REV3L: variants seen among roughly 807,000 people sequenced by gnomAD.
REV3L encodes the protein DNA polymerase zeta catalytic subunit.
In REV3L, 69 loss-of-function variants were observed where a neutral mutation model predicts 299.4. The observed-to-expected ratio is 0.23, with a 90% CI of 0.19 to 0.28. The LOEUF (loss-of-function observed/expected upper bound fraction) is 0.28. Among genes scored for constraint, REV3L ranks in the 10% least tolerant of loss-of-function variants. The probability of loss-of-function intolerance (pLI) is 1.00; values close to 1 mark genes in which losing one functional copy is unlikely to be tolerated. For missense variants in REV3L, 3,128 were observed against 3,693.8 expected (o/e 0.85, Z 3.97); for synonymous variants, 1,238 against 1,271.4 (o/e 0.97, Z 0.56).
chr6:111,302,286 T>C (rs1041746078), intron 31 of REV3L, among the ~76,000 whole-genome samples: 2 of 152,234 alleles, frequency 1.3e-5, no homozygotes, highest in African/African-American at 4.8e-5. Flanking sequence ...TTCCCAAATA[T>C]AGAATTTCTG....
chr6:111,430,395 C>T, intron 1 of REV3L: 1 of 1,330,496 alleles, frequency 7.5e-7, no homozygotes, highest in East Asian at 2.3e-5. Context: ...CAATGACTAC[C>T]AGTCCATAGA....
At position 111,374,481 on chromosome 6, in the gene REV3L, A is replaced by C; in HGVS notation, c.3874T>G (p.Leu1292Val). ...LPTGINAQQK[L>V]SGCFSSFLES... is the part of the protein sequence containing the mutation. ...AAGAAAGAAGAAAAGCAGCCAGATAACTTCTGTTGTGCATTAATTCCAGTG... is the reference window on the plus strand; with the variant it reads ...AAGAAAGAAGAAAAGCAGCCAGATACCTTCTGTTGTGCATTAATTCCAGTG... The change falls in exon 13 of 32, where the codon TTA (leucine) becomes GTA (valine). Residue 1292 changes from leucine to valine, a missense_variant. Coordinates refer to ENST00000368802, the MANE Select transcript of REV3L (RefSeq NM_001372078.1). The C allele has an allele frequency of 3.1e-6, 5 of 1,614,038 alleles. No homozygotes were observed. The highest frequency in any genetic ancestry group is 4.2e-6 in the Non-Finnish European group (5 of 1,179,928).
intron 1 of REV3L, among the ~76,000 whole-genome samples, chr6:111,456,013 T>G (rs1183165081): frequency 6.6e-6 from 1 of 152,232 alleles, no homozygotes; most frequent in Non-Finnish European, 1.5e-5. Context: ...ATAGCTGATA[T>G]TCAGTAATGG....
chr6:111,322,580 G>A lies in REV3L; in HGVS notation c.8340C>T (p.Gly2780=), dbSNP rs1365033476. The A allele has an allele frequency of 1.3e-5, 21 of 1,613,000 alleles. No individual in the cohort carries two copies. Among genetic ancestry groups the A allele is most frequent in the Non-Finnish European group, 1.8e-5 (21 of 1,179,102 alleles). Residue 2780 remains glycine (G), a synonymous_variant, in exon 26 of 32, where the codon GGC becomes GGT. Transcript: ENST00000368802. ...TKKWGARVVY[G]DTDSMFVLLK... The stretch of plus-strand genomic sequence containing the variant: ...CAAAAACCCATTACCTGTCAGTATC[G>A]CCATATACAACCCTAGCCCCCCATT...
chr6:111,355,936 C>G (rs975223883), intron 18 of REV3L, among the ~76,000 whole-genome samples: 1 of 152,012 alleles, frequency 6.6e-6, no homozygotes, highest in Non-Finnish European at 1.5e-5. Context: ...TTTTTTCCTT[C>G]AGAGTCGTGG....
chr6:111,444,573 C>G (rs1388541311), intron 1 of REV3L, among the ~76,000 whole-genome samples: 1 of 152,040 alleles, frequency 6.6e-6, no homozygotes, highest in East Asian at 1.9e-4. Context: ...TATGATGGGG[C>G]CATTTCCACA....
intron 21 of REV3L, 134 bp from the exon 22 acceptor site, chr6:111,335,744 A>G: frequency 1.2e-6 from 1 of 801,852 alleles, no homozygotes; most frequent in Non-Finnish European, 1.8e-6. Context: ...ATGAGCCTTT[A>G]AGCAAAGTAT....
intron 1 of REV3L, among the ~76,000 whole-genome samples, chr6:111,473,367 C>T (rs1003834300): frequency 6.6e-6 from 1 of 151,584 alleles, no homozygotes; most frequent in Admixed American, 6.6e-5. Context: ...TCTTTAATTG[C>T]GTGAATTCTA....
At position 111,412,339 on chromosome 6, in the gene REV3L, G is replaced by A. The variant is rs147832962; in HGVS notation, c.330-785C>T. The A allele has an allele frequency of 1.9e-5, 16 of 839,846 alleles. No homozygotes were observed. The Admixed American group carries it at 7.5e-4, about 39-fold the overall frequency. 52.0% of individuals were successfully genotyped at this position (839,846 alleles called of 1,614,324 possible). The stretch of plus-strand genomic sequence containing the variant: ...GAAGCAAAAGGCTATATAACAGGAA[G>A]AGAAATCCTCGGTGCAAGATGAAAT... On this transcript the variant is annotated intron_variant, in intron 2 of 31. Transcript: ENST00000368802.
intron 21 of REV3L, among the ~76,000 whole-genome samples, chr6:111,339,503 T>TAA (rs1776265651): frequency 6.6e-6 from 1 of 152,122 alleles, no homozygotes; most frequent in South Asian, 2.1e-4. Flanking sequence ...GTGAAATGAA[T>TAA]GCTTATTCAT....
At chr6:111,419,281 A>C (rs966931576) in intron 1 of REV3L, among the ~76,000 whole-genome samples, 3 of 152,238 alleles carry the variant, frequency 2.0e-5, no homozygotes, top group African/African-American at 7.2e-5. Flanking sequence ...ATAGAATAAG[A>C]ATGATATAAG....
At position 111,351,718 on chromosome 6, in the gene REV3L, C is replaced by T. The variant is rs970904051; in HGVS notation, c.7258G>A (p.Ala2420Thr). 21 of 1,613,558 alleles carry T rather than the reference C, an allele frequency of 1.3e-5. No homozygotes were observed. The highest frequency in any genetic ancestry group is 8.3e-5 in the Admixed American group (5 of 59,984). The change falls in exon 19 of 32, where the codon GCT becomes ACT. Residue 2420 changes from alanine to threonine, a missense_variant. Physicochemically the swap from Ala to Thr is moderately conservative, Grantham distance 58. Around this residue, in one of 9 missense-constraint regions of REV3L, gnomAD observed 50 missense variants for 48.2 expected, o/e 1.04. Coordinates refer to ENST00000368802, the MANE Select transcript of REV3L (RefSeq NM_001372078.1). Reference protein sequence around the residue: ...SWGYLLQRAAALSIDLCRMIS... With the variant: ...SWGYLLQRAATLSIDLCRMIS... Reference sequence around the variant, plus strand: ...ATCCGACATAAGTCAATACTTAAAGCGGCAGCCCTTTGTAAGAGGTAACCC... The same window carrying T: ...ATCCGACATAAGTCAATACTTAAAGTGGCAGCCCTTTGTAAGAGGTAACCC...
Position 111,446,877 on chromosome 6 carries a change from A to T in REV3L, c.140-30405T>A, listed in dbSNP as rs571704896. The stretch of plus-strand genomic sequence containing the variant: ...TTAAAGAGATAGGCATATATTAAAA[A>T]TGAATAAATCTACTCTTTGTATAGT... On this transcript the variant is annotated intron_variant, in intron 1 of 31. Coordinates refer to ENST00000368802, the MANE Select transcript of REV3L (RefSeq NM_001372078.1). 1.6e-3 allele frequency among the ~76,000 whole-genome samples: 248 copies of T among 152,332 alleles called. 1 individual carries two copies. The highest frequency in any genetic ancestry group is 5.8e-3 in the African/African-American group (239 of 41,558).
chr6:111,409,260 CATTTT>C (rs1783982825), intron 3 of REV3L, among the ~76,000 whole-genome samples: 1 of 151,804 alleles, frequency 6.6e-6, no homozygotes, highest in South Asian at 2.1e-4. Context: ...ATGTTACTTT[CATTTT>C]GTCACATAAA....
chr6:111,446,369 T>C (rs920706418), intron 1 of REV3L, among the ~76,000 whole-genome samples: 1 of 152,158 alleles, frequency 6.6e-6, no homozygotes, highest in Non-Finnish European at 1.5e-5. Flanking sequence ...ATTAGGAACA[T>C]CCCAACAAAC....
Position 111,374,867 on chromosome 6 carries a change from C to A in REV3L, c.3488G>T (p.Arg1163Leu). The A allele has an allele frequency of 1.2e-6, 2 of 1,613,754 alleles. No homozygotes were observed. The highest frequency in any genetic ancestry group is 1.7e-6 in the Non-Finnish European group (2 of 1,179,870). ...TCTTGCGCGACTAGTTTTTCCTATA[C>A]GAGAATTAACAGTCTTCTTATATAC... is the stretch of plus-strand genomic sequence containing the variant. Reference protein sequence around the residue: ...PNVYKKTVNSRIGKTSRARAQ... With the variant: ...PNVYKKTVNSLIGKTSRARAQ... The change falls in exon 13 of 32, where the codon CGT becomes CTT. Residue 1163 changes from arginine to leucine, a missense_variant. By Grantham distance (102) the Arg-to-Leu change is moderately radical. Coordinates refer to ENST00000368802, the MANE Select transcript of REV3L (RefSeq NM_001372078.1).
Position 111,351,793 on chromosome 6 carries a change from TA to T in REV3L, c.7185-3del, listed in dbSNP as rs1489742431. On this transcript the variant is annotated splice_region_variant and splice_polypyrimidine_tract_variant and intron_variant, in intron 18 of 31. Coordinates refer to ENST00000368802, the MANE Select transcript of REV3L (RefSeq NM_001372078.1). ...CCTAGCAGAATATCAGGATCATACC[TA>T]AAAAAGGAATTTAAAAAAGTTATAT... is the stretch of plus-strand genomic sequence containing the variant. 2.5e-6 allele frequency: 4 copies of T among 1,592,530 alleles called. No homozygotes were observed. Among genetic ancestry groups the T allele is most frequent in the Admixed American group, 1.7e-5 (1 of 58,960 alleles).
chr6:111,320,010 T>C (rs1046535928), intron 26 of REV3L, among the ~76,000 whole-genome samples: 1 of 151,504 alleles, frequency 6.6e-6, no homozygotes, highest in Non-Finnish European at 1.5e-5. Context: ...TTTTAATTTT[T>C]AGTGATCCAC....
intron 1 of REV3L, among the ~76,000 whole-genome samples, chr6:111,429,823 C>T (rs1273387071): frequency 6.6e-6 from 1 of 152,028 alleles, no homozygotes; most frequent in Non-Finnish European, 1.5e-5. Flanking sequence ...CGGACATGGA[C>T]AAGAAGCACA....
Sources: allele counts gnomAD v4.1 joint callset (sites outside exome capture counted in the v4.1 genomes callset), GRCh38; gene constraint gnomAD v4.1.1; regional missense constraint gnomAD v4.1.1; transcripts MANE v1.5; gene names NCBI Gene and HGNC (gene_info 2026-07-23, HGNC 2026-07-21).